COBL: variants seen among roughly 807,000 people sequenced by gnomAD.
COBL encodes cordon-bleu WH2 repeat protein.
Under a neutral mutation model 98.8 loss-of-function variants are expected in COBL, and 51 were observed. That is an observed-to-expected ratio of 0.52 (90% CI 0.41 to 0.65). COBL has a LOEUF of 0.65. COBL is among the 30% of genes least tolerant of loss of function. The pLI, the probability that COBL is intolerant of heterozygous loss-of-function variation, is 0.00. For missense variants in COBL, 1,617 were observed against 1,617.5 expected, an observed-to-expected ratio of 1.00 and a Z score of 0.01; for synonymous variants, 634 against 651.7, an observed-to-expected ratio of 0.97 and a Z score of 0.41.
At chr7:51,077,141 AACTGT>A (rs1412764975) in intron 7 of COBL, among the ~76,000 whole-genome samples, 4 of 152,188 alleles carry the variant, frequency 2.6e-5, no homozygotes, top group African/African-American at 9.7e-5. Flanking sequence ...GTATGCACAC[AACTGT>A]ATTGGTTTAG....
chr7:51,313,360 AG>A (rs1803239380), intron 1 of COBL, among the ~76,000 whole-genome samples: 1 of 152,238 alleles, frequency 6.6e-6, no homozygotes, highest in South Asian at 2.1e-4. Context: ...CGGCACCGAC[AG>A]GACTAGAGTA....
At chr7:51,171,152 T>C (rs959038705) in intron 5 of COBL, among the ~76,000 whole-genome samples, 1 of 152,082 alleles carries the variant, frequency 6.6e-6, no homozygotes, top group African/African-American at 2.4e-5. Context: ...AGTATAATTG[T>C]CATTTTATAA....
At chr7:51,037,361 C>A (rs1012658670) in intron 8 of COBL, among the ~76,000 whole-genome samples, 6 of 152,170 alleles carry the variant, frequency 3.9e-5, no homozygotes, top group African/African-American at 1.4e-4. Flanking sequence ...GAAATTGAAC[C>A]AAGAGGTGAA....
chr7:51,122,620 A>T (rs1323678303), intron 6 of COBL, among the ~76,000 whole-genome samples: 1 of 152,188 alleles, frequency 6.6e-6, no homozygotes, highest in African/African-American at 2.4e-5. Context: ...TCAGTTATTT[A>T]GCTCTTTGCT....
At chr7:51,282,238 AAC>A (rs1165959184) in intron 1 of COBL, among the ~76,000 whole-genome samples, 21 of 152,126 alleles carry the variant, frequency 1.4e-4, no homozygotes, top group Non-Finnish European at 2.5e-4. Flanking sequence ...GATTTGATGT[AAC>A]GTAATAGTTT....
intron 6 of COBL, among the ~76,000 whole-genome samples, chr7:51,090,228 T>A (rs907579581): frequency 6.6e-6 from 1 of 152,130 alleles, no homozygotes; most frequent in African/African-American, 2.4e-5. Flanking sequence ...CGCACCTCAG[T>A]TTCCCCACAA....
At chr7:51,124,530 G>T (rs1488848223) in intron 6 of COBL, among the ~76,000 whole-genome samples, 2 of 152,168 alleles carry the variant, frequency 1.3e-5, no homozygotes, top group Non-Finnish European at 2.9e-5. Context: ...TGGCTTCTCT[G>T]GGATGGGAAT....
intron 5 of COBL, chr7:51,172,403 G>C: frequency 8.6e-7 from 1 of 1,162,082 alleles, no homozygotes; most frequent in Non-Finnish European, 1.1e-6. Flanking sequence ...GTCGCGCAAA[G>C]CAAGAAGTTC....
Position 51,118,528 on chromosome 7 carries a change from T to A in COBL, c.957+17630A>T, listed in dbSNP as rs147791240. ...TCTTTTATAATCACAGGGAGTGACA[T>A]CCCATCATCTTTGCCATATCTTGTA... On this transcript the variant is annotated intron_variant, in intron 6 of 12. Coordinates refer to ENST00000265136, the MANE Select transcript of COBL (RefSeq NM_015198.5). Among the ~76,000 whole-genome samples the A allele has an allele frequency of 1.2e-3, 181 of 151,794 alleles. 2 individuals carry two copies. Among genetic ancestry groups the A allele is most frequent in the Non-Finnish European group, 1.7e-3 (118 of 67,974 alleles).
chr7:51,126,594 G>A (rs1798226948), intron 6 of COBL, among the ~76,000 whole-genome samples: 1 of 152,110 alleles, frequency 6.6e-6, no homozygotes, highest in African/African-American at 2.4e-5. Flanking sequence ...GAGGTACATG[G>A]AGGAGCCTGG....
chr7:51,092,788 T>C (rs564156108), intron 6 of COBL, among the ~76,000 whole-genome samples: 1 of 152,348 alleles, frequency 6.6e-6, no homozygotes, highest in East Asian at 1.9e-4. Context: ...AATTTAAGAA[T>C]TGTTTTTTTC....
intron 1 of COBL, among the ~76,000 whole-genome samples, chr7:51,310,119 G>C (rs142960624): frequency 1.3e-5 from 2 of 152,364 alleles, no homozygotes; most frequent in African/African-American, 4.8e-5. Flanking sequence ...AGCTATGTAA[G>C]TTTAAATGGA....
chr7:51,113,932 C>T (rs1259405235), intron 6 of COBL, among the ~76,000 whole-genome samples: 1 of 152,178 alleles, frequency 6.6e-6, no homozygotes, highest in East Asian at 1.9e-4. Context: ...CAAATCACTC[C>T]TTGCCCTCTA....
At chr7:51,179,325 C>T (rs1000755348) in intron 5 of COBL, among the ~76,000 whole-genome samples, 6 of 152,058 alleles carry the variant, frequency 3.9e-5, no homozygotes, top group African/African-American at 1.4e-4. Flanking sequence ...CAACCTTCGC[C>T]TCCCAGGTTC....
chr7:51,019,091 T>G (rs1476733682), intron 12 of COBL, among the ~76,000 whole-genome samples: 3 of 151,240 alleles, frequency 2.0e-5, no homozygotes, highest in Non-Finnish European at 4.4e-5. Flanking sequence ...ACAAACACAG[T>G]GCTCCACTTA....
intron 4 of COBL, among the ~76,000 whole-genome samples, chr7:51,185,093 C>T (rs1425341558): frequency 6.6e-6 from 1 of 152,186 alleles, no homozygotes; most frequent in Admixed American, 6.5e-5. Flanking sequence ...TTTTCTTCAT[C>T]AGGATTCTAG....
chr7:51,172,249 G>A (rs1787939834), intron 5 of COBL, among the ~76,000 whole-genome samples: 1 of 152,170 alleles, frequency 6.6e-6, no homozygotes, highest in Non-Finnish European at 1.5e-5. Flanking sequence ...CTGGCAAATA[G>A]AAAAGTAGAA....
chr7:51,045,687 C>G (rs1789622267), intron 7 of COBL, among the ~76,000 whole-genome samples: 1 of 152,196 alleles, frequency 6.6e-6, no homozygotes, highest in Non-Finnish European at 1.5e-5. Context: ...TCTGGAGGCA[C>G]AGAACACATC....
At chr7:51,152,675 C>G (rs1479893419) in intron 5 of COBL, among the ~76,000 whole-genome samples, 1 of 152,158 alleles carries the variant, frequency 6.6e-6, no homozygotes, top group African/African-American at 2.4e-5. Flanking sequence ...TAAGAGTTGG[C>G]AAAGGCAGAA....
Sources: allele counts gnomAD v4.1 joint callset (sites outside exome capture counted in the v4.1 genomes callset), GRCh38; gene constraint gnomAD v4.1.1; transcripts MANE v1.5; gene names NCBI Gene and HGNC (gene_info 2026-07-23, HGNC 2026-07-21).